DCD: variants seen among roughly 807,000 people sequenced by gnomAD.
DCD encodes the protein dermcidin.
Under a neutral mutation model 14.5 loss-of-function variants are expected in DCD, and 17 were observed. The observed-to-expected ratio is 1.18, with a 90% CI of 0.81 to 1.76. The LOEUF (loss-of-function observed/expected upper bound fraction) is 1.76, where lower values mean the gene tolerates loss of function less well. DCD is among the 40% of genes most tolerant of loss of function. The pLI is 0.00. For missense variants in DCD, 139 were observed against 133.4 expected (o/e 1.04, Z -0.21); for synonymous variants, 64 against 54.0 (o/e 1.19, Z -0.82).
rs1200139072 is a variant in DCD, at chr12:54,644,771, GA to G, written c.290-16del. ...ATGGACGGCTCCTAGGACAGCCACAGAAAAAAATGGGGTAAAGGGGTAGGAA... is the reference window on the plus strand; with the variant it reads ...ATGGACGGCTCCTAGGACAGCCACAGAAAAAATGGGGTAAAGGGGTAGGAA... On this transcript the variant is annotated splice_polypyrimidine_tract_variant and intron_variant, in intron 4 of 4. Transcript: ENST00000293371. 8.7e-6 allele frequency: 14 copies of G among 1,600,360 alleles called. No homozygotes were observed. The highest frequency in any genetic ancestry group is 1.3e-5 in the African/African-American group (1 of 74,374).
intron 1 of DCD, 147 bp downstream of exon 1, chr12:54,648,097 CTG>C (rs1283548701): frequency 1.2e-6 from 1 of 809,388 alleles, no homozygotes; most frequent in Non-Finnish European, 2.0e-6. Context: ...CATAGAGTCC[CTG>C]TGTGGAGAAC....
intron 2 of DCD, among the ~76,000 whole-genome samples, chr12:54,646,619 C>T (rs1256505454): frequency 1.3e-5 from 2 of 152,052 alleles, no homozygotes; most frequent in African/African-American, 4.8e-5. Flanking sequence ...GTTACTCATG[C>T]TGTCTGATGA....
At chr12:54,645,049 A>G in intron 4 of DCD, 124 bp downstream of exon 4, 1 of 1,481,120 alleles carries the variant, frequency 6.8e-7, no homozygotes, top group Non-Finnish European at 9.3e-7. Flanking sequence ...TGGATGAGGA[A>G]TTGGAGACAT....
rs186712430 is a variant in DCD at position 54,645,722 on chromosome 12, G to A, written c.98-15C>T. 5.8e-4 allele frequency: 932 copies of A among 1,607,014 alleles called. 1 individual carries two copies. The highest frequency in any genetic ancestry group is 9.9e-4 in the Middle Eastern group (6 of 6,044). On this transcript the variant is annotated splice_polypyrimidine_tract_variant and intron_variant, in intron 2 of 4. Coordinates refer to ENST00000293371, the MANE Select transcript of DCD (RefSeq NM_053283.4). ...TTCATGGCAAGCTGCAAGGGTAAGG[G>A]AGTGAGAGGAATAATAGCTATTTCA...
At chr12:54,646,699 C>T (rs989802196) in intron 2 of DCD, among the ~76,000 whole-genome samples, 1 of 152,044 alleles carries the variant, frequency 6.6e-6, no homozygotes, top group African/African-American at 2.4e-5. Flanking sequence ...TTGAAAAGTA[C>T]CCTGGATCTA....
chr12:54,644,696 T>A lies in DCD; in HGVS notation c.*17A>T. The A allele has an allele frequency of 6.3e-7, 1 of 1,577,040 alleles. No homozygotes were observed. Among genetic ancestry groups the A allele is most frequent in the Non-Finnish European group, 8.7e-7 (1 of 1,148,742 alleles). On this transcript the variant is annotated 3_prime_UTR_variant, in exon 5 of 5. Transcript: ENST00000293371. ...GCCTGCTGCTCCTGGGTATCATTTCTCAGCTTCTCCTTACAGCTATAGTAC... is the reference window on the plus strand; with the variant it reads ...GCCTGCTGCTCCTGGGTATCATTTCACAGCTTCTCCTTACAGCTATAGTAC...
At position 54,645,211 on chromosome 12, in the gene DCD, C is replaced by T; in HGVS notation, c.251G>A (p.Gly84Glu). Residue 84 changes from glycine (G) to glutamate (E), a missense_variant, in exon 4 of 5, where the codon GGA becomes GAA. Coordinates refer to ENST00000293371, the MANE Select transcript of DCD (RefSeq NM_053283.4). ...KKAVGGLGKL[G>E]KDAVEDLESV... ...TTCTAGATCTTCGACTGCATCTTTT[C>T]CTAGTTTTCCGAGTCCCCCCACAGC... The T allele has an allele frequency of 6.2e-7, 1 of 1,614,092 alleles. No homozygotes were observed.
intron 1 of DCD, among the ~76,000 whole-genome samples, chr12:54,647,601 A>G (rs1276310857): frequency 2.0e-5 from 3 of 152,240 alleles, no homozygotes; most frequent in Admixed American, 6.5e-5. Context: ...AGCACGCATT[A>G]TGCACCAGAC....
intron 2 of DCD, among the ~76,000 whole-genome samples, chr12:54,646,814 G>A (rs1958264853): frequency 6.6e-6 from 1 of 152,108 alleles, no homozygotes; most frequent in Non-Finnish European, 1.5e-5. Flanking sequence ...TGAAGGTGGG[G>A]CAGATGAAAA....
intron 1 of DCD, 150 bp downstream of exon 1, chr12:54,648,096 C>A: frequency 1.2e-6 from 1 of 801,684 alleles, no homozygotes; most frequent in Non-Finnish European, 2.0e-6. Context: ...CCATAGAGTC[C>A]CTGTGTGGAG....
At chr12:54,647,023 C>T in intron 2 of DCD, 98 bp downstream of exon 2, 1 of 1,320,948 alleles carries the variant, frequency 7.6e-7, no homozygotes, top group Non-Finnish European at 1.0e-6. Context: ...CTCTCCTTCC[C>T]CGGACCCCCC....
chr12:54,645,941 T>C (rs1958257240), intron 2 of DCD: 1 of 556,548 alleles, frequency 1.8e-6, no homozygotes, highest in African/African-American at 1.9e-5. Flanking sequence ...TAGAGTAGAT[T>C]ATGGTTCAGG....
intron 2 of DCD, chr12:54,646,222 G>A: frequency 2.2e-6 from 1 of 448,428 alleles, no homozygotes; most frequent in South Asian, 1.6e-5. Flanking sequence ...ACACCAAGGT[G>A]CCCGGTGTTC....
At chr12:54,648,140 C>G in intron 1 of DCD, 106 bp downstream of exon 1, 1 of 1,305,116 alleles carries the variant, frequency 7.7e-7, no homozygotes, top group Non-Finnish European at 1.1e-6. Context: ...GCTACAGAGA[C>G]AGACTTGGGT....
intron 1 of DCD, among the ~76,000 whole-genome samples, chr12:54,647,485 G>A (rs1400658522): frequency 6.6e-6 from 1 of 152,212 alleles, no homozygotes; most frequent in African/African-American, 2.4e-5. Flanking sequence ...CATGACCACA[G>A]CACCTGCTCT....
At chr12:54,647,787 AG>A (rs1592201424) in intron 1 of DCD, among the ~76,000 whole-genome samples, 1 of 152,324 alleles carries the variant, frequency 6.6e-6, no homozygotes, top group East Asian at 1.9e-4. Flanking sequence ...AATGCAAAAT[AG>A]GGGCCAAAAT....
rs56332229 is a variant in DCD, at chr12:54,647,795, A to C, written c.58+451T>G. On this transcript the variant is annotated intron_variant, in intron 1 of 4. Transcript: ENST00000293371. ...GCAAGAAAATGCAAAATAGGGGCCA[A>C]AATGATTCTGGGGCTTCAGCAAGCC... Among the ~76,000 whole-genome samples, 890 of 152,346 alleles carry C rather than the reference A, an allele frequency of 5.8e-3. 16 individuals carry two copies. Among genetic ancestry groups the C allele is most frequent in the African/African-American group, 0.02 (844 of 41,580 alleles).
intron 1 of DCD, among the ~76,000 whole-genome samples, chr12:54,648,004 G>A (rs1958275160): frequency 6.6e-6 from 1 of 152,184 alleles, no homozygotes; most frequent in African/African-American, 2.4e-5. Context: ...AGAGTGGTTG[G>A]AGCAGAGTGG....
chr12:54,645,867 T>C (rs1171395670), intron 2 of DCD, 160 bp from the exon 3 acceptor site: 2 of 627,132 alleles, frequency 3.2e-6, no homozygotes, highest in South Asian at 1.9e-5. Context: ...TTAGGTTCTT[T>C]AGCATCCCTC....
Sources: allele counts gnomAD v4.1 joint callset (sites outside exome capture counted in the v4.1 genomes callset), GRCh38; gene constraint gnomAD v4.1.1; transcripts MANE v1.5; gene names NCBI Gene and HGNC (gene_info 2026-07-23, HGNC 2026-07-21).